CYB5R3: variants seen among roughly 807,000 people sequenced by gnomAD.
CYB5R3 encodes NADH-cytochrome b5 reductase 3.
In CYB5R3, 28 loss-of-function variants were observed where a neutral mutation model predicts 36.5. That is an observed-to-expected ratio of 0.77 (90% CI 0.57 to 1.05). The LOEUF is 1.05. Among genes scored for constraint, CYB5R3 ranks in the 50% least tolerant of loss-of-function variants. The probability of loss-of-function intolerance (pLI) is 0.00; values close to 1 mark genes in which losing one functional copy is unlikely to be tolerated. For missense variants in CYB5R3, 474 were observed against 408.9 expected (o/e 1.16, Z -1.37); for synonymous variants, 181 against 159.8 (o/e 1.13, Z -1.00).
rs185685012 is a variant in CYB5R3, at chr22:42,624,207, C to G, written c.634-319G>C. ...AAAAACTAAAGGCGGCCAAGCTGCG[C>G]GACAGCAAAAAGGGAAGAGACGGGA... On this transcript the variant is annotated intron_variant, in intron 7 of 8. Transcript: ENST00000352397. Among the ~76,000 whole-genome samples the G allele has an allele frequency of 1.8e-3, 271 of 152,242 alleles. 1 individual carries two copies. Among genetic ancestry groups the G allele is most frequent in the African/African-American group, 6.4e-3 (265 of 41,542 alleles).
At chr22:42,637,333 C>T (rs923332953) in intron 1 of CYB5R3, among the ~76,000 whole-genome samples, 1 of 152,164 alleles carries the variant, frequency 6.6e-6, no homozygotes, top group Non-Finnish European at 1.5e-5. Flanking sequence ...ATCTGAAAGG[C>T]CTACACTGAC....
chr22:42,642,684 C>G (rs1280887505), intron 1 of CYB5R3, among the ~76,000 whole-genome samples: 1 of 152,058 alleles, frequency 6.6e-6, no homozygotes, highest in Non-Finnish European at 1.5e-5. Flanking sequence ...GTGATCCGCC[C>G]GCCTCAGCCT....
intron 1 of CYB5R3, chr22:42,639,968 C>A: frequency 6.2e-7 from 1 of 1,609,940 alleles, no homozygotes. Context: ...GGTCTTCAAA[C>A]ATTCTAGCCA....
Position 42,619,734 on chromosome 22 carries a change from G to C in CYB5R3, c.*39C>G, listed in dbSNP as rs745594580. ...CTGGGTGAGCGTGAACAGGGCGTGG[G>C]GTGCGCGGGGCGGGTGGCCGTGTGA... On this transcript the variant is annotated 3_prime_UTR_variant, in exon 9 of 9. Transcript: ENST00000352397. 38 of 1,534,322 alleles carry C rather than the reference G, an allele frequency of 2.5e-5. 1 individual carries two copies. In the Middle Eastern group the frequency reaches 7.2e-4, roughly 29 times the overall value.
intron 1 of CYB5R3, among the ~76,000 whole-genome samples, chr22:42,642,739 G>A (rs965278698): frequency 6.6e-6 from 1 of 152,190 alleles, no homozygotes; most frequent in African/African-American, 2.4e-5. Flanking sequence ...CGCCCGGCCA[G>A]TAATTTGAAA....
At chr22:42,643,243 C>T (rs1220986156) in intron 1 of CYB5R3, among the ~76,000 whole-genome samples, 1 of 152,140 alleles carries the variant, frequency 6.6e-6, no homozygotes. Context: ...AGGGCCACTG[C>T]CTGGCCTATC....
intron 4 of CYB5R3, 69 bp downstream of exon 4, chr22:42,630,813 G>C: frequency 7.5e-7 from 1 of 1,325,980 alleles, no homozygotes; most frequent in Non-Finnish European, 1.1e-6. Flanking sequence ...CTGTCCAGGG[G>C]GTCCACATGG....
intron 5 of CYB5R3, 93 bp downstream of exon 5, chr22:42,628,059 C>A: frequency 1.3e-5 from 21 of 1,561,000 alleles, no homozygotes; most frequent in Non-Finnish European, 1.8e-5. Flanking sequence ...CCCATCCACA[C>A]AGAGCCAGGG....
chr22:42,631,116 C>T, intron 3 of CYB5R3, 128 bp from the exon 4 acceptor site: 2 of 885,492 alleles, frequency 2.3e-6, no homozygotes, highest in Non-Finnish European at 3.6e-6. Flanking sequence ...TCCCACGGCC[C>T]CCTCCCACCC....
In CYB5R3 at chr22:42,643,915, G is replaced by T. The variant is rs555058813; in HGVS notation, c.21+5380C>A. Among the ~76,000 whole-genome samples, 8 of 152,196 alleles carry T rather than the reference G, an allele frequency of 5.3e-5. No individual in the cohort carries two copies. In the South Asian group the frequency reaches 1.7e-3, roughly 32 times the overall value. On this transcript the variant is annotated intron_variant, in intron 1 of 8. Coordinates refer to ENST00000352397, the MANE Select transcript of CYB5R3 (RefSeq NM_000398.7). ...TGAGCTGGCACTGTTCTGAGTAGGG[G>T]CCGCGGGTTTCCTGGAATACTCCCC... is the stretch of plus-strand genomic sequence containing the variant.
intron 1 of CYB5R3, among the ~76,000 whole-genome samples, chr22:42,646,183 C>T (rs1164982752): frequency 6.6e-6 from 1 of 152,100 alleles, no homozygotes; most frequent in Non-Finnish European, 1.5e-5. Context: ...CACCCCTGTG[C>T]CTCCTCACCT....
At chr22:42,629,179 T>C (rs1240845636) in intron 4 of CYB5R3, among the ~76,000 whole-genome samples, 2 of 152,090 alleles carry the variant, frequency 1.3e-5, no homozygotes, top group Non-Finnish European at 1.5e-5. Context: ...TGAGCCCTCA[T>C]CACCTCCTCT....
rs886712533 is a variant in CYB5R3, at chr22:42,631,079, G to A, written c.227-91C>T. On this transcript the variant is annotated intron_variant, in intron 3 of 8. Coordinates refer to ENST00000352397, the MANE Select transcript of CYB5R3 (RefSeq NM_000398.7). Reference sequence around the variant, plus strand: ...AACCCACTCCCCTGCACCCCACCCGGCATTCAAAGCCTGGCCTGGCGTCAG... The same window carrying A: ...AACCCACTCCCCTGCACCCCACCCGACATTCAAAGCCTGGCCTGGCGTCAG... 3 of 1,185,658 alleles carry A rather than the reference G, an allele frequency of 2.5e-6. No individual in the cohort carries two copies. In the East Asian group the frequency reaches 7.5e-5, roughly 30 times the overall value. The allele number at this position is 1,185,658 out of a possible 1,614,324, so 73.4% of individuals were successfully genotyped here.
rs372439289 is a variant in CYB5R3 at position 42,636,865 on chromosome 22, C to T, written c.22-19G>A. 9.9e-6 allele frequency: 16 copies of T among 1,611,442 alleles called. No individual in the cohort carries two copies. Among genetic ancestry groups the T allele is most frequent in the East Asian group, 4.5e-5 (2 of 44,740 alleles). On this transcript the variant is annotated intron_variant, in intron 1 of 8. Coordinates refer to ENST00000352397, the MANE Select transcript of CYB5R3 (RefSeq NM_000398.7). ...GGCCCAACTGAAACGACAGGACCCGCGGGGTCAGTGCAGGAGCCTGCCTTT... is the reference window on the plus strand; with the variant it reads ...GGCCCAACTGAAACGACAGGACCCGTGGGGTCAGTGCAGGAGCCTGCCTTT...
intron 7 of CYB5R3, among the ~76,000 whole-genome samples, chr22:42,625,720 G>A (rs1207152727): frequency 6.6e-6 from 1 of 151,988 alleles, no homozygotes; most frequent in Non-Finnish European, 1.5e-5. Flanking sequence ...GAGAGGAAAC[G>A]AGCAGCAATG....
At chr22:42,644,554 T>C (rs1338034021) in intron 1 of CYB5R3, 1 of 1,517,162 alleles carries the variant, frequency 6.6e-7, no homozygotes, top group African/African-American at 1.4e-5. Flanking sequence ...TGATGAGCCC[T>C]TCCCTAGCTA....
At position 42,627,681 on chromosome 22, in the gene CYB5R3, G is replaced by A. The variant is rs149158903; in HGVS notation, c.471C>T (p.Phe157=). ...GLLVYQGKGK[F]AIRPDKKSNP... ...TGGACTTTTTGTCAGGTCGGATGGC[G>A]AACTTCCCTGGGGAGAGAGAAGGGG... The change falls in exon 6 of 9, where the codon TTC becomes TTT. Residue 157 remains phenylalanine, a synonymous_variant. Transcript: ENST00000352397. 416 of 1,612,890 alleles carry A rather than the reference G, an allele frequency of 2.6e-4. No homozygotes were observed. Among genetic ancestry groups the A allele is most frequent in the African/African-American group, 2.4e-3 (180 of 74,992 alleles).
At chr22:42,623,375 C>T (rs1928086015) in intron 8 of CYB5R3, among the ~76,000 whole-genome samples, 1 of 152,138 alleles carries the variant, frequency 6.6e-6, no homozygotes, top group African/African-American at 2.4e-5. Context: ...CCAGGGCTGA[C>T]AATGGGAGAG....
chr22:42,629,364 C>T (rs1368715287), intron 4 of CYB5R3, among the ~76,000 whole-genome samples: 1 of 152,198 alleles, frequency 6.6e-6, no homozygotes, highest in Non-Finnish European at 1.5e-5. Flanking sequence ...CTGGTCAGTG[C>T]CTACTCAGCC....
Sources: gnomAD v4.1 joint callset for allele counts (sites outside exome capture counted in the v4.1 genomes callset) on GRCh38, gnomAD v4.1.1 for gene constraint, MANE v1.5 for transcripts, NCBI Gene and HGNC (gene_info 2026-07-23, HGNC 2026-07-21) for gene names.